Variants in SPG7 observed in about 807,000 individuals in gnomAD.
SPG7 encodes SPG7 matrix AAA peptidase subunit, paraplegin, also known as mitochondrial inner membrane m-AAA protease component paraplegin.
A neutral mutation model predicts 81.9 loss-of-function variants in SPG7; 103 were observed. The ratio of observed to expected loss-of-function variants is 1.26; its 90% CI spans 1.07 to 1.48. SPG7 has a LOEUF of 1.48. Ranked by LOEUF, SPG7 falls within the 40% of genes most tolerant of loss-of-function variation. The pLI, the probability that SPG7 is intolerant of heterozygous loss-of-function variation, is 0.00. For missense variants in SPG7, 1,241 were observed against 1,087.3 expected (o/e 1.14, Z -1.99); for synonymous variants, 534 against 444.2 (o/e 1.20, Z -2.54).
At chr16:89,553,399 G>A (rs998969162) in intron 14 of SPG7, 12 of 544,316 alleles carry the variant, frequency 2.2e-5, no homozygotes, top group South Asian at 1.8e-4. Context: ...TACAGGAAAC[G>A]GAATAAAATT....
intron 9 of SPG7, chr16:89,537,161 A>G (rs2058436266): frequency 5.5e-6 from 8 of 1,455,290 alleles, no homozygotes; most frequent in South Asian, 2.9e-5. Context: ...GCTTCCGTTC[A>G]TGGAAGCGCA....
intron 1 of SPG7, chr16:89,509,138 T>C: frequency 5.4e-6 from 2 of 370,994 alleles, no homozygotes; most frequent in Admixed American, 6.4e-5. Flanking sequence ...CAGGTTCTGC[T>C]AAGGATAGGA....
chr16:89,545,048 C>T (rs776659859), intron 10 of SPG7: 118 of 502,678 alleles, frequency 2.3e-4, no homozygotes, highest in Non-Finnish European at 4.1e-4. Context: ...CAGTTCTGTT[C>T]ACCTGCTATT....
intron 9 of SPG7, among the ~76,000 whole-genome samples, chr16:89,535,285 G>A (rs540104896): frequency 7.9e-5 from 12 of 152,276 alleles, no homozygotes; most frequent in African/African-American, 2.4e-4. Context: ...GCTGGCGCCC[G>A]TCTCTTCTGG....
chr16:89,553,480 G>C (rs1293707137), intron 14 of SPG7: 1 of 528,654 alleles, frequency 1.9e-6, no homozygotes, highest in Admixed American at 3.2e-5. Context: ...GGTCCCGGGG[G>C]CCCCTGGGCT....
chr16:89,544,819 CA>C, intron 10 of SPG7, 47 bp downstream of exon 10: 2 of 1,611,540 alleles, frequency 1.2e-6, no homozygotes, highest in Non-Finnish European at 1.7e-6. Flanking sequence ...GGGCCGCCCC[CA>C]CTCGCTCTGA....
chr16:89,546,286 G>A (rs184758898), intron 10 of SPG7: 26 of 328,668 alleles, frequency 7.9e-5, no homozygotes, highest in Admixed American at 5.2e-4. Flanking sequence ...GGGTTTCACC[G>A]TGTTGGCCAG....
intron 1 of SPG7, among the ~76,000 whole-genome samples, chr16:89,509,147 G>A (rs2057977342): frequency 6.6e-6 from 1 of 152,232 alleles, no homozygotes; most frequent in Non-Finnish European, 1.5e-5. Context: ...CTAAGGATAG[G>A]ATAGCATCTC....
intron 3 of SPG7, chr16:89,518,342 A>T (rs1350226021): frequency 6.6e-6 from 1 of 152,264 alleles, no homozygotes; most frequent in Non-Finnish European, 1.5e-5. Flanking sequence ...CTCACTGATA[A>T]CACTGGTGAA....
Position 89,529,212 on chromosome 16 carries a change from G to A in SPG7, c.759-265G>A, listed in dbSNP as rs999893677. 3.4e-4 allele frequency: 180 copies of A among 532,820 alleles called. 2 individuals carry two copies. In the Admixed American group the frequency reaches 5.3e-3, roughly 16 times the overall value. 33.0% of individuals were successfully genotyped at this position (532,820 alleles called of 1,614,324 possible). ...ATACTGAAAATAGAAAAACCTGAACGTTGTTATTGTCACAAGGCTGGCTAG... is the reference window on the plus strand; with the variant it reads ...ATACTGAAAATAGAAAAACCTGAACATTGTTATTGTCACAAGGCTGGCTAG... On this transcript the variant is annotated intron_variant, in intron 5 of 16. Coordinates refer to ENST00000645818, the MANE Select transcript of SPG7 (RefSeq NM_003119.4).
chr16:89,530,399 C>A (rs2058325505), intron 6 of SPG7: 2 of 459,826 alleles, frequency 4.3e-6, no homozygotes, highest in South Asian at 4.2e-5. Flanking sequence ...CCATCTCGGC[C>A]TCCCAAAGTG....
At position 89,524,053 on chromosome 16, in the gene SPG7, C is replaced by G. The variant is rs1567906265; in HGVS notation, c.424C>G (p.Leu142Val). Residue 142 changes from leucine (L) to valine (V), a missense_variant, in exon 4 of 17, where the codon CTG becomes GTG. Transcript: ENST00000645818. ...GGACGACCAGATGTACCGAGAGCGG[C>G]TGCGCACCTTGCTGGTCATCGCGGT... ...ERDDQMYRERLRTLLVIAVVM... is the reference protein window; with the variant it reads ...ERDDQMYRERVRTLLVIAVVM... The G allele has an allele frequency of 6.2e-7, 1 of 1,613,612 alleles. No homozygotes were observed. The highest frequency in any genetic ancestry group is 8.5e-7 in the Non-Finnish European group (1 of 1,180,046).
At position 89,512,970 on chromosome 16, in the gene SPG7, C is replaced by A. The variant is rs1475628157; in HGVS notation, c.309C>A (p.Thr103=). The part of the protein sequence containing the change: ...QLLGGTFYFN[T]SRLKQKNKEK... ...TAGGTGGTACTTTCTATTTTAACAC[C>A]TCAAGGTTGAAGCAGAAGAATAAGG... is the stretch of plus-strand genomic sequence containing the variant. The change falls in exon 3 of 17, where the codon ACC becomes ACA. Residue 103 remains threonine, a synonymous_variant. Transcript: ENST00000645818. The A allele has an allele frequency of 6.2e-7, 1 of 1,613,284 alleles. No individual in the cohort carries two copies. Among genetic ancestry groups the A allele is most frequent in the South Asian group, 1.1e-5 (1 of 91,058 alleles).
chr16:89,533,017 C>G (rs2152404091), intron 9 of SPG7: 2 of 263,248 alleles, frequency 7.6e-6, no homozygotes, highest in East Asian at 1.8e-4. Flanking sequence ...TTGCAGTGAG[C>G]CAAGATCTCA....
At chr16:89,524,276 T>G (rs753404106) in intron 4 of SPG7, 29 bp downstream of exon 4, 10 of 1,594,068 alleles carry the variant, frequency 6.3e-6, no homozygotes, top group African/African-American at 1.4e-5. Context: ...GGCCTGTGAG[T>G]GAGGGTGTGG....
In SPG7 at chr16:89,515,721, T is replaced by G. The variant is rs959714354; in HGVS notation, c.376+2684T>G. Among the ~76,000 whole-genome samples, 363 of 150,220 alleles carry G rather than the reference T, an allele frequency of 2.4e-3. 5 individuals are homozygous for G. Among genetic ancestry groups the G allele is most frequent in the Admixed American group, 6.1e-3 (92 of 15,140 alleles). On this transcript the variant is annotated intron_variant, in intron 3 of 16. Coordinates refer to ENST00000645818, the MANE Select transcript of SPG7 (RefSeq NM_003119.4). ...TATTACTATTATTATTATTATTTTT[T>G]TTTTTGAGATGGGGTCTCGCTCTGT...
At chr16:89,530,391 ATC>A in intron 6 of SPG7, 2 of 441,662 alleles carry the variant, frequency 4.5e-6, no homozygotes, top group Non-Finnish European at 8.4e-6. Context: ...TGATCCGCCC[ATC>A]TCGGCCTCCC....
At chr16:89,531,802 C>G in intron 7 of SPG7, 102 bp from the exon 8 acceptor site, 1 of 1,155,422 alleles carries the variant, frequency 8.7e-7, no homozygotes. Context: ...ATCATGGCAC[C>G]CACTGCACTC....
rs11318359 is a variant in SPG7, at chr16:89,517,616, C to CTTTTTTTTTT, written c.376+4590_376+4599dup. On this transcript the variant is annotated intron_variant, in intron 3 of 16. Transcript: ENST00000645818. ...CCTGCATCTGAGTAATTGTCGTCGTCTTTTTTTTTTTTTTTTTTTTGAGAT... is the reference window on the plus strand; with the variant it reads ...CCTGCATCTGAGTAATTGTCGTCGTCTTTTTTTTTTTTTTTTTTTTTTTTTTTTTTGAGAT... 1.5e-5 allele frequency: 2 copies of CTTTTTTTTTT among 130,314 alleles called. 1 individual carries two copies. The highest frequency in any genetic ancestry group is 5.7e-5 in the African/African-American group (2 of 35,380). 8.1% of individuals were successfully genotyped at this position (130,314 alleles called of 1,614,324 possible).
Sources: allele counts gnomAD v4.1 joint callset (sites outside exome capture counted in the v4.1 genomes callset), GRCh38; gene constraint gnomAD v4.1.1; transcripts MANE v1.5; gene names NCBI Gene and HGNC (gene_info 2026-07-23, HGNC 2026-07-21).